Variants in BMPR1A observed in about 807,000 individuals in gnomAD.
The protein encoded by BMPR1A is bone morphogenetic protein receptor type 1A.
BMPR1A carries 7 observed loss-of-function variants against 66.0 expected under a neutral mutation model. The observed-to-expected ratio is 0.11, with a 90% CI of 0.06 to 0.20. The LOEUF (loss-of-function observed/expected upper bound fraction) is 0.20. BMPR1A is among the 10% of genes least tolerant of loss of function. The pLI is 1.00. For synonymous variants in BMPR1A, 200 were observed against 229.7 expected, an observed-to-expected ratio of 0.87 and a Z score of 1.17; for missense variants, 408 against 669.1, an observed-to-expected ratio of 0.61 and a Z score of 4.31.
intron 3 of BMPR1A, among the ~76,000 whole-genome samples, chr10:86,886,914 C>T (rs751517834): frequency 1.0e-4 from 15 of 149,184 alleles, no homozygotes; most frequent in Non-Finnish European, 2.1e-4. Context: ...TCACTGCAAC[C>T]TCCACCTCCC....
rs1448281164 is a variant in BMPR1A, at chr10:86,790,185, AAAAATATATATATATATATAT to A, written c.-268+33268_-268+33288del. Among the ~76,000 whole-genome samples, 12 of 33,996 alleles carry A rather than the reference AAAAATATATATATATATATAT, an allele frequency of 3.5e-4. 2 individuals carry two copies. Among genetic ancestry groups the A allele is most frequent in the African/African-American group, 2.6e-3 (11 of 4,194 alleles). 22.3% of individuals were successfully genotyped at this position (33,996 alleles called of 152,430 possible). ...TCCAAAAAAAAAAAAAAAAAAAAAA[AAAAATATATATATATATATAT>A]ATATATATATATATATATATATATA... On this transcript the variant is annotated intron_variant, in intron 1 of 12. Transcript: ENST00000372037.
In BMPR1A at chr10:86,768,399, A is replaced by G. The variant is rs968521375; in HGVS notation, c.-268+11480A>G. ...CCCCCACCCCCATGTGTTTGTTCCT[A>G]TCGTAGTAATGCTGATTGTTAATGG... is the stretch of plus-strand genomic sequence containing the variant. On this transcript the variant is annotated intron_variant, in intron 1 of 12. Coordinates refer to ENST00000372037, the MANE Select transcript of BMPR1A (RefSeq NM_004329.3). 3.3e-5 allele frequency among the ~76,000 whole-genome samples: 5 copies of G among 151,986 alleles called. No homozygotes were observed. In the East Asian group the frequency reaches 5.8e-4, roughly 18 times the overall value.
chr10:86,784,476 AT>A (rs1416545149), intron 1 of BMPR1A, among the ~76,000 whole-genome samples: 2 of 152,154 alleles, frequency 1.3e-5, no homozygotes, highest in Non-Finnish European at 1.5e-5. Flanking sequence ...TATGATTTTA[AT>A]ATGCCTTTGA....
intron 4 of BMPR1A, 53 bp downstream of exon 4, chr10:86,890,277 A>G (rs781655136): frequency 1.8e-5 from 29 of 1,597,850 alleles, no homozygotes; most frequent in Middle Eastern, 1.7e-4. Flanking sequence ...AGTTGCATTT[A>G]GTGCTATTTT....
In BMPR1A at chr10:86,912,388, A is replaced by G. The variant is rs2133546398; in HGVS notation, c.675+4A>G. 3 of 1,613,986 alleles carry G rather than the reference A, an allele frequency of 1.9e-6. No homozygotes were observed. In the South Asian group the frequency reaches 3.3e-5, roughly 18 times the overall value. Reference sequence around the variant, plus strand: ...TGGGTCTGGACTACCTTTATTGGTAAGTTAAACGTTCCTATAGACATGAAT... The same window carrying G: ...TGGGTCTGGACTACCTTTATTGGTAGGTTAAACGTTCCTATAGACATGAAT... On this transcript the variant is annotated splice_donor_region_variant and intron_variant, in intron 8 of 12. Coordinates refer to ENST00000372037, the MANE Select transcript of BMPR1A (RefSeq NM_004329.3).
chr10:86,837,379 A>G (rs1842369058), intron 1 of BMPR1A, among the ~76,000 whole-genome samples: 1 of 152,038 alleles, frequency 6.6e-6, no homozygotes, highest in Non-Finnish European at 1.5e-5. Flanking sequence ...CAGGCCATAT[A>G]TTTTTGAAAC....
At chr10:86,908,292 C>T (rs1843425825) in intron 7 of BMPR1A, among the ~76,000 whole-genome samples, 1 of 152,170 alleles carries the variant, frequency 6.6e-6, no homozygotes, top group Non-Finnish European at 1.5e-5. Flanking sequence ...ACATCGTATA[C>T]ATGCATAAGA....
At chr10:86,880,118 C>CA (rs1842968206) in intron 3 of BMPR1A, among the ~76,000 whole-genome samples, 5 of 152,284 alleles carry the variant, frequency 3.3e-5, no homozygotes, top group Admixed American at 3.3e-4. Flanking sequence ...ATTGAAAACT[C>CA]ACAGCCTGAC....
chr10:86,882,527 T>A (rs892269920), intron 3 of BMPR1A, among the ~76,000 whole-genome samples: 1 of 152,042 alleles, frequency 6.6e-6, no homozygotes, highest in African/African-American at 2.4e-5. Context: ...TAATGGTGGT[T>A]ATGTTTAAGG....
In BMPR1A at chr10:86,876,184, C is replaced by T. The variant is rs151088871; in HGVS notation, c.67+99C>T. On this transcript the variant is annotated intron_variant, in intron 3 of 12. Coordinates refer to ENST00000372037, the MANE Select transcript of BMPR1A (RefSeq NM_004329.3). Reference sequence around the variant, plus strand: ...TCATCCCTGTTTGAATAGTTAGGCCCAGCCTACTAGGGCAGCTTTTAGGAA... The same window carrying T: ...TCATCCCTGTTTGAATAGTTAGGCCTAGCCTACTAGGGCAGCTTTTAGGAA... 208 of 1,173,470 alleles carry T rather than the reference C, an allele frequency of 1.8e-4. No individual in the cohort carries two copies. In the East Asian group the frequency reaches 4.9e-3, roughly 28 times the overall value. The allele number at this position is 1,173,470 out of a possible 1,614,324, so 72.7% of individuals were successfully genotyped here. A position where few individuals can be genotyped will look rare whatever the true frequency, so the allele number is the denominator to read the frequency against.
intron 1 of BMPR1A, among the ~76,000 whole-genome samples, chr10:86,799,244 G>T (rs1394976318): frequency 2.0e-5 from 3 of 152,118 alleles, no homozygotes; most frequent in African/African-American, 7.2e-5. Context: ...ATTTCTGCTG[G>T]ATTCTGAATG....
At chr10:86,773,687 A>G (rs2132665647) in intron 1 of BMPR1A, among the ~76,000 whole-genome samples, 1 of 152,108 alleles carries the variant, frequency 6.6e-6, no homozygotes, top group South Asian at 2.1e-4. Flanking sequence ...TGGAATCTAA[A>G]CACTGAAATT....
At chr10:86,890,749 A>G (rs552667763) in intron 4 of BMPR1A, among the ~76,000 whole-genome samples, 1 of 152,238 alleles carries the variant, frequency 6.6e-6, no homozygotes, top group South Asian at 2.1e-4. Context: ...CTTCTTAATT[A>G]GTTGAAATAT....
intron 2 of BMPR1A, among the ~76,000 whole-genome samples, chr10:86,868,083 T>C (rs931778623): frequency 1.8e-4 from 27 of 152,162 alleles, no homozygotes; most frequent in African/African-American, 6.0e-4. Flanking sequence ...CCCATCCCTG[T>C]TTTAGGTCTT....
At chr10:86,863,849 A>G (rs937299702) in intron 2 of BMPR1A, among the ~76,000 whole-genome samples, 1 of 152,218 alleles carries the variant, frequency 6.6e-6, no homozygotes, top group Admixed American at 6.5e-5. Context: ...ATTAAAAAAA[A>G]TTTTTAAATA....
At chr10:86,775,762 C>T (rs35441323) in intron 1 of BMPR1A, among the ~76,000 whole-genome samples, 40,372 of 151,952 alleles carry the variant, frequency 0.27, 6,785 homozygotes, top group East Asian at 0.69. Flanking sequence ...TGTGCTGTTT[C>T]CTTTTCCTTG....
chr10:86,850,811 C>T (rs187935120), intron 2 of BMPR1A, among the ~76,000 whole-genome samples: 1 of 152,150 alleles, frequency 6.6e-6, no homozygotes, highest in Non-Finnish European at 1.5e-5. Flanking sequence ...TAAAGTTCTC[C>T]TTTTTGAGGT....
chr10:86,823,680 C>T (rs1022630160), intron 1 of BMPR1A, among the ~76,000 whole-genome samples: 1 of 152,160 alleles, frequency 6.6e-6, no homozygotes, highest in Non-Finnish European at 1.5e-5. Context: ...GTATATTTGT[C>T]ATCTGGATCA....
At chr10:86,908,901 C>T (rs1843435660) in intron 7 of BMPR1A, among the ~76,000 whole-genome samples, 1 of 152,192 alleles carries the variant, frequency 6.6e-6, no homozygotes, top group Non-Finnish European at 1.5e-5. Flanking sequence ...TCTTCCTCAG[C>T]ATCAGAGGAT....
Sources: gnomAD v4.1 joint callset for allele counts (sites outside exome capture counted in the v4.1 genomes callset) on GRCh38, gnomAD v4.1.1 for gene constraint, MANE v1.5 for transcripts, NCBI Gene and HGNC (gene_info 2026-07-23, HGNC 2026-07-21) for gene names.